The following SLC4A10 variants were observed in gnomAD, a reference collection of about 807,000 sequenced individuals.
The protein encoded by SLC4A10 is sodium-driven chloride bicarbonate exchanger.
SLC4A10 carries 42 observed loss-of-function variants against 137.7 expected under a neutral mutation model. The observed-to-expected ratio is 0.30, with a 90% CI of 0.24 to 0.39. The LOEUF (loss-of-function observed/expected upper bound fraction) is 0.39, where lower values mean the gene tolerates loss of function less well. Among genes scored for constraint, SLC4A10 ranks in the 10% least tolerant of loss-of-function variants. SLC4A10 has a pLI of 1.00. For missense variants in SLC4A10, 925 were observed against 1,355.0 expected, an observed-to-expected ratio of 0.68 and a Z score of 4.98; for synonymous variants, 474 against 464.1, an observed-to-expected ratio of 1.02 and a Z score of -0.27.
chr2:161,880,371 C>A (rs537132084), intron 9 of SLC4A10, among the ~76,000 whole-genome samples: 2 of 152,098 alleles, frequency 1.3e-5, no homozygotes, highest in Non-Finnish European at 2.9e-5. Flanking sequence ...TAACTCCATG[C>A]TTTGATTATG....
chr2:161,937,040 A>G (rs1406449873), intron 15 of SLC4A10, among the ~76,000 whole-genome samples: 1 of 151,998 alleles, frequency 6.6e-6, no homozygotes, highest in Non-Finnish European at 1.5e-5. Context: ...TTGTGTTTCC[A>G]TTTTCATTTG....
intron 15 of SLC4A10, among the ~76,000 whole-genome samples, chr2:161,914,461 G>C (rs1030997267): frequency 6.6e-6 from 1 of 152,092 alleles, no homozygotes; most frequent in Non-Finnish European, 1.5e-5. Context: ...GCTCAAAGAG[G>C]TTTGTGTACA....
At chr2:161,776,350 A>C (rs551003801) in intron 2 of SLC4A10, among the ~76,000 whole-genome samples, 2 of 151,936 alleles carry the variant, frequency 1.3e-5, no homozygotes, top group Admixed American at 6.6e-5. Flanking sequence ...CTATACAAAC[A>C]ATAACTCCCC....
chr2:161,904,297 G>C (rs1265437459), intron 13 of SLC4A10, 119 bp downstream of exon 13: 1 of 1,076,238 alleles, frequency 9.3e-7, no homozygotes, highest in African/African-American at 1.6e-5. Context: ...ATATGGTCTG[G>C]CAGATACACC....
chr2:161,983,414 G>A lies in SLC4A10; in HGVS notation c.*262G>A. The A allele has an allele frequency of 1.6e-6, 1 of 611,690 alleles. No homozygotes were observed. Among genetic ancestry groups the A allele is most frequent in the Non-Finnish European group, 2.8e-6 (1 of 353,168 alleles). The allele number at this position is 611,690 out of a possible 1,614,324, so 37.9% of individuals were successfully genotyped here. ...CTGTGTTTAAACTTCTGAGCAGTGA[G>A]ACATCCCTGTGAGCAGATACAATAG... is the stretch of plus-strand genomic sequence containing the variant. On this transcript the variant is annotated 3_prime_UTR_variant, in exon 27 of 27. Transcript: ENST00000446997.
At chr2:161,824,556 CAG>C (rs1284517723) in intron 3 of SLC4A10, among the ~76,000 whole-genome samples, 1 of 152,074 alleles carries the variant, frequency 6.6e-6, no homozygotes, top group Non-Finnish European at 1.5e-5. Flanking sequence ...GAAACCATGT[CAG>C]AGGAATTAAT....
chr2:161,753,031 T>C (rs1261873598), intron 1 of SLC4A10, among the ~76,000 whole-genome samples: 3 of 152,146 alleles, frequency 2.0e-5, no homozygotes, highest in Non-Finnish European at 4.4e-5. Context: ...ATTATATTTG[T>C]CACTTAAATA....
At chr2:161,941,502 TG>T (rs1026205641) in intron 15 of SLC4A10, among the ~76,000 whole-genome samples, 48 of 152,266 alleles carry the variant, frequency 3.2e-4, no homozygotes, top group African/African-American at 1.1e-3. Flanking sequence ...ATGTTCACTT[TG>T]GGGTGGAAAA....
chr2:161,849,291 G>A (rs900932066), intron 4 of SLC4A10, among the ~76,000 whole-genome samples: 1 of 152,072 alleles, frequency 6.6e-6, no homozygotes, highest in Non-Finnish European at 1.5e-5. Context: ...AGCAGATCTA[G>A]GAGCCTCAAG....
At chr2:161,682,149 A>G (rs2040924062) in intron 1 of SLC4A10, among the ~76,000 whole-genome samples, 1 of 152,128 alleles carries the variant, frequency 6.6e-6, no homozygotes, top group Non-Finnish European at 1.5e-5. Context: ...TTTTTGGGAA[A>G]AGGATTCCAT....
intron 10 of SLC4A10, among the ~76,000 whole-genome samples, chr2:161,887,555 G>A (rs1392702673): frequency 2.0e-5 from 3 of 152,120 alleles, no homozygotes; most frequent in African/African-American, 7.2e-5. Context: ...TTTCTCTAAT[G>A]ACCAGTGATG....
intron 4 of SLC4A10, 125 bp from the exon 5 acceptor site, chr2:161,854,845 C>A: frequency 1.1e-6 from 1 of 914,380 alleles, no homozygotes; most frequent in Non-Finnish European, 1.5e-6. Context: ...CTTTTATATA[C>A]TTCCAAAACC....
chr2:161,853,486 T>A (rs899221065), intron 4 of SLC4A10, among the ~76,000 whole-genome samples: 3 of 152,186 alleles, frequency 2.0e-5, no homozygotes, highest in African/African-American at 7.2e-5. Flanking sequence ...CACAGACACA[T>A]GGACTCACCC....
chr2:161,683,157 A>G (rs1574322274), intron 1 of SLC4A10, among the ~76,000 whole-genome samples: 1 of 152,280 alleles, frequency 6.6e-6, no homozygotes, highest in South Asian at 2.1e-4. Flanking sequence ...ACTACCACAG[A>G]TATCATGTGG....
intron 1 of SLC4A10, among the ~76,000 whole-genome samples, chr2:161,635,239 A>G (rs1386747550): frequency 6.6e-6 from 1 of 152,036 alleles, no homozygotes; most frequent in African/African-American, 2.4e-5. Flanking sequence ...ATGCCTAATA[A>G]TTTCTCATTG....
rs147908343 is a variant in SLC4A10 at position 161,671,711 on chromosome 2, G to T, written c.48+47145G>T. Among the ~76,000 whole-genome samples, 4 of 151,974 alleles carry T rather than the reference G, an allele frequency of 2.6e-5. No individual in the cohort carries two copies. The East Asian group carries it at 7.7e-4, about 29-fold the overall frequency. On this transcript the variant is annotated intron_variant, in intron 1 of 26. Coordinates refer to ENST00000446997, the MANE Select transcript of SLC4A10 (RefSeq NM_001178015.2). ...TAAAAAAGAAAACAGACAAAACATC[G>T]TCTGAAAATAATCCAACTCTGTTAA...
At chr2:161,723,681 G>T (rs2045929367) in intron 1 of SLC4A10, among the ~76,000 whole-genome samples, 1 of 152,142 alleles carries the variant, frequency 6.6e-6, no homozygotes, top group South Asian at 2.1e-4. Context: ...TAGTGACTAT[G>T]CATCAGAATC....
In SLC4A10 at chr2:161,904,890, A is replaced by G; in HGVS notation, c.1732A>G (p.Ile578Val). 1 of 1,613,828 alleles carries G rather than the reference A, an allele frequency of 6.2e-7. No homozygotes were observed. The highest frequency in any genetic ancestry group is 8.5e-7 in the Non-Finnish European group (1 of 1,179,856). The change falls in exon 14 of 27, where the codon ATT (isoleucine) becomes GTT (valine). Residue 578 changes from isoleucine to valine, a missense_variant. Coordinates refer to ENST00000446997, the MANE Select transcript of SLC4A10 (RefSeq NM_001178015.2). ...AGGACCAGTTTTGGTGTTTGAAAAG[A>G]TTTTGTTTAAATTTTGCAAGTAAGT... ...STGPVLVFEK[I>V]LFKFCKEYGL...
intron 1 of SLC4A10, among the ~76,000 whole-genome samples, chr2:161,675,509 T>A (rs2040186225): frequency 6.6e-6 from 1 of 152,168 alleles, no homozygotes; most frequent in Non-Finnish European, 1.5e-5. Flanking sequence ...TACAGGATTT[T>A]AAAAAATAAG....
Sources: allele counts gnomAD v4.1 joint callset (sites outside exome capture counted in the v4.1 genomes callset), GRCh38; gene constraint gnomAD v4.1.1; transcripts MANE v1.5; gene names NCBI Gene and HGNC (gene_info 2026-07-23, HGNC 2026-07-21).